PIWIL1: variants seen among roughly 807,000 people sequenced by gnomAD.
PIWIL1 encodes piwi-like protein 1.
A neutral mutation model predicts 114.4 loss-of-function variants in PIWIL1; 73 were observed. The observed-to-expected ratio is 0.64, with a 90% CI of 0.53 to 0.78. PIWIL1 has a LOEUF of 0.78. PIWIL1 is among the 30% of genes least tolerant of loss of function. The pLI, the probability that PIWIL1 is intolerant of heterozygous loss-of-function variation, is 0.00. For missense variants in PIWIL1, 723 were observed against 1,063.1 expected (o/e 0.68, Z 4.45); for synonymous variants, 375 against 369.0 (o/e 1.02, Z -0.19).
At chr12:130,342,559 T>C (rs1435734071) in intron 1 of PIWIL1, 21 bp from the exon 2 acceptor site, 4 of 1,461,362 alleles carry the variant, frequency 2.7e-6, no homozygotes, top group Non-Finnish European at 3.8e-6. Context: ...AGTATTGTCT[T>C]CAAGATTGTT....
At chr12:130,395,124 A>C in the PIWIL1 span, among the ~76,000 whole-genome samples, 1 of 152,150 alleles carries the variant, frequency 6.6e-6, no homozygotes. Context: ...GGAGCCATTT[A>C]ACTGCAAGAG....
intron 3 of PIWIL1, 25 bp from the exon 4 acceptor site, chr12:130,345,728 C>G (rs746046609): frequency 5.6e-6 from 9 of 1,613,032 alleles, no homozygotes; most frequent in Non-Finnish European, 6.8e-6. Context: ...CTTTATGTTG[C>G]TCAAGTACAC....
Position 130,367,383 on chromosome 12 carries a change from T to C in PIWIL1, c.2321+125T>C, listed in dbSNP as rs1030451227. 6.4e-6 allele frequency: 6 copies of C among 930,996 alleles called. No individual in the cohort carries two copies. In the African/African-American group the frequency reaches 1.0e-4, roughly 16 times the overall value. 57.7% of individuals were successfully genotyped at this position (930,996 alleles called of 1,614,324 possible). ...TTCTTATATTTTTTATAAACATTAA[T>C]TTTTTCAACTAATTTGGTCAAACAT... On this transcript the variant is annotated intron_variant, in intron 19 of 20. Coordinates refer to ENST00000245255, the MANE Select transcript of PIWIL1 (RefSeq NM_004764.5).
rs375320349 is a variant in PIWIL1, at chr12:130,357,428, G to A, written c.1593-53G>A. On this transcript the variant is annotated intron_variant, in intron 13 of 20. Transcript: ENST00000245255. ...GTTACACAGGAAGGTGTTTATGCAC[G>A]GTCCATTTGTCGCTACTGTGTCTGA... 3.5e-5 allele frequency: 46 copies of A among 1,313,046 alleles called. No individual in the cohort carries two copies. In the African/African-American group the frequency reaches 4.9e-4, roughly 14 times the overall value. 81.3% of individuals were successfully genotyped at this position (1,313,046 alleles called of 1,614,324 possible).
At chr12:130,354,753 C>G (rs2073318050) in intron 10 of PIWIL1, 90 bp downstream of exon 10, 1 of 1,490,916 alleles carries the variant, frequency 6.7e-7, no homozygotes. Context: ...ACTTCCCCTT[C>G]CCTCCCCCCA....
At chr12:130,376,092 A>G (rs191657015), downstream of PIWIL1, among the ~76,000 whole-genome samples, 5 of 152,244 alleles carry the variant, frequency 3.3e-5, no homozygotes, top group Admixed American at 2.6e-4. Flanking sequence ...TTCCCAGACC[A>G]CATCTCCAGG....
At chr12:130,362,195 TA>T (rs2136179837) in intron 16 of PIWIL1, among the ~76,000 whole-genome samples, 1 of 152,274 alleles carries the variant, frequency 6.6e-6, no homozygotes, top group South Asian at 2.1e-4. Flanking sequence ...TAGTACCCAG[TA>T]GTTATTTTTT....
chr12:130,421,746 C>T, the PIWIL1 span, among the ~76,000 whole-genome samples: 2 of 148,138 alleles, frequency 1.4e-5, no homozygotes, highest in Non-Finnish European at 3.0e-5. Context: ...CCTGGTTCCT[C>T]TGTGCTGATG....
At chr12:130,400,611 T>C in the PIWIL1 span, among the ~76,000 whole-genome samples, 1 of 152,150 alleles carries the variant, frequency 6.6e-6, no homozygotes, top group Admixed American at 6.5e-5. Context: ...TGTTTCTCTG[T>C]TTATATGGTC....
downstream of PIWIL1, among the ~76,000 whole-genome samples, chr12:130,373,411 G>C (rs918320839): frequency 2.6e-5 from 4 of 152,274 alleles, no homozygotes; most frequent in Non-Finnish European, 5.9e-5. Flanking sequence ...TGAAAAATTG[G>C]TAAATGTGAT....
chr12:130,401,993 T>G, the PIWIL1 span, among the ~76,000 whole-genome samples: 2 of 152,336 alleles, frequency 1.3e-5, no homozygotes, highest in South Asian at 4.1e-4. Context: ...GGCCAGCCCC[T>G]GCTCTGGCTG....
the PIWIL1 span, chr12:130,397,825 C>A: frequency 3.8e-6 from 1 of 260,024 alleles, no homozygotes; most frequent in Admixed American, 5.4e-5. Flanking sequence ...TAATTCACTT[C>A]ATAAATGAAG....
the PIWIL1 span, among the ~76,000 whole-genome samples, chr12:130,393,083 A>G: frequency 0.19 from 8,549 of 45,542 alleles, 11 homozygotes; most frequent in Non-Finnish European, 0.27. Flanking sequence ...GTGATGACCC[A>G]GTCACCGTCA....
the PIWIL1 span, chr12:130,397,425 T>C: frequency 6.3e-5 from 25 of 399,096 alleles, no homozygotes; most frequent in African/African-American, 4.9e-4. Context: ...CTTTTTCTTT[T>C]TCGAGGACAT....
chr12:130,413,211 C>T, the PIWIL1 span, among the ~76,000 whole-genome samples: 6 of 152,158 alleles, frequency 3.9e-5, no homozygotes, highest in Non-Finnish European at 8.8e-5. Context: ...GCATTCCGAC[C>T]GTTCTCAAAT....
At chr12:130,369,187 G>A (rs533112274) in intron 19 of PIWIL1, among the ~76,000 whole-genome samples, 27 of 152,218 alleles carry the variant, frequency 1.8e-4, no homozygotes, top group Admixed American at 1.5e-3. Flanking sequence ...TGAGGATAAC[G>A]GCTTCCAGCT....
chr12:130,341,023 C>G (rs1381442940), intron 1 of PIWIL1, among the ~76,000 whole-genome samples: 2 of 152,096 alleles, frequency 1.3e-5, no homozygotes, highest in African/African-American at 4.8e-5. Flanking sequence ...CTGTGAAGAT[C>G]ATGAAGCCAA....
At chr12:130,341,697 C>A (rs1399868818) in intron 1 of PIWIL1, among the ~76,000 whole-genome samples, 1 of 152,188 alleles carries the variant, frequency 6.6e-6, no homozygotes. Flanking sequence ...GAGTCACACG[C>A]TATGTTGTTT....
At chr12:130,405,682 C>T in the PIWIL1 span, among the ~76,000 whole-genome samples, 3 of 69,992 alleles carry the variant, frequency 4.3e-5, no homozygotes, top group African/African-American at 5.5e-5. Flanking sequence ...GGGGTGGGGG[C>T]GGGGTGGGGG....
Sources: allele counts gnomAD v4.1 joint callset (sites outside exome capture counted in the v4.1 genomes callset), GRCh38; gene constraint gnomAD v4.1.1; transcripts MANE v1.5; gene names NCBI Gene and HGNC (gene_info 2026-07-23, HGNC 2026-07-21).